WDR49: variants seen among roughly 807,000 people sequenced by gnomAD.
WDR49 encodes cilia- and flagella-associated protein 337.
A neutral mutation model predicts 119.5 loss-of-function variants in WDR49; 107 were observed. The ratio of observed to expected loss-of-function variants is 0.90; its 90% CI spans 0.77 to 1.05. The LOEUF (loss-of-function observed/expected upper bound fraction) is 1.05. WDR49 is among the 50% of genes least tolerant of loss of function. WDR49 has a pLI of 0.00. For missense variants in WDR49, 1,240 were observed against 1,220.5 expected, an observed-to-expected ratio of 1.02 and a Z score of -0.24; for synonymous variants, 425 against 418.8, an observed-to-expected ratio of 1.01 and a Z score of -0.18.
chr3:167,556,184 T>A (rs969496864), intron 9 of WDR49, among the ~76,000 whole-genome samples: 2 of 152,190 alleles, frequency 1.3e-5, no homozygotes, highest in African/African-American at 4.8e-5. Context: ...ATATGTATAC[T>A]AAATGGAGAG....
chr3:167,541,615 G>A (rs1345242549), intron 10 of WDR49, among the ~76,000 whole-genome samples: 2 of 152,030 alleles, frequency 1.3e-5, no homozygotes, highest in Admixed American at 6.6e-5. Flanking sequence ...CAGAGCCTAT[G>A]AAACAATAAC....
chr3:167,603,047 A>G (rs1715859841), intron 6 of WDR49, among the ~76,000 whole-genome samples: 1 of 152,152 alleles, frequency 6.6e-6, no homozygotes, highest in Non-Finnish European at 1.5e-5. Flanking sequence ...TATCCCCATC[A>G]TTAAGCAATG....
At position 167,563,960 on chromosome 3, in the gene WDR49, G is replaced by A. The variant is rs548996131; in HGVS notation, c.1510-3732C>T. Among the ~76,000 whole-genome samples, 3 of 152,338 alleles carry A rather than the reference G, an allele frequency of 2.0e-5. No homozygotes were observed. In the East Asian group the frequency reaches 5.8e-4, roughly 29 times the overall value. ...TCCCTAACAGAAATAAAAGAGCCAT[G>A]TTCAAAGAAAAGACTTGATTACCTG... On this transcript the variant is annotated intron_variant, in intron 8 of 18. Transcript: ENST00000682715.
At chr3:167,593,882 G>A (rs961717167) in intron 7 of WDR49, among the ~76,000 whole-genome samples, 1 of 152,074 alleles carries the variant, frequency 6.6e-6, no homozygotes, top group African/African-American at 2.4e-5. Flanking sequence ...TGAGGGAATT[G>A]TCACAAGATC....
intron 15 of WDR49, among the ~76,000 whole-genome samples, chr3:167,523,138 T>C (rs770727182): frequency 1.4e-4 from 22 of 152,136 alleles, no homozygotes; most frequent in Non-Finnish European, 3.2e-4. Flanking sequence ...CCTGCAGATA[T>C]TTGGCTGGTG....
chr3:167,518,791 A>G (rs1203023043), intron 16 of WDR49, among the ~76,000 whole-genome samples: 1 of 151,460 alleles, frequency 6.6e-6, no homozygotes, highest in Non-Finnish European at 1.5e-5. Flanking sequence ...ATATTAAACT[A>G]AAAAGCTTCT....
At chr3:167,548,973 C>T (rs780090888) in intron 10 of WDR49, among the ~76,000 whole-genome samples, 14 of 151,996 alleles carry the variant, frequency 9.2e-5, no homozygotes, top group Admixed American at 9.2e-4. Flanking sequence ...ATAGTTTGCT[C>T]AGAATGATGG....
chr3:167,596,870 T>TAATAAATAAATAAATAAATA, intron 7 of WDR49, among the ~76,000 whole-genome samples: 2 of 141,348 alleles, frequency 1.4e-5, no homozygotes, highest in East Asian at 4.2e-4. Context: ...TAAAGTATAA[T>TAATAAATAAATAAATAAATA]AATAAATAAA....
At chr3:167,634,656 A>G (rs1481309679) in intron 2 of WDR49, among the ~76,000 whole-genome samples, 1 of 151,812 alleles carries the variant, frequency 6.6e-6, no homozygotes, top group Non-Finnish European at 1.5e-5. Context: ...ATGAAAACTG[A>G]GCTCTAACCC....
Position 167,537,017 on chromosome 3 carries a change from A to G in WDR49, c.1824-17T>C. 1.9e-6 allele frequency: 3 copies of G among 1,561,776 alleles called. No individual in the cohort carries two copies. Among genetic ancestry groups the G allele is most frequent in the Non-Finnish European group, 2.6e-6 (3 of 1,155,758 alleles). On this transcript the variant is annotated splice_polypyrimidine_tract_variant and intron_variant, in intron 10 of 18. Coordinates refer to ENST00000682715, the MANE Select transcript of WDR49 (RefSeq NM_001366157.1). The stretch of plus-strand genomic sequence containing the variant: ...GTAATAGCCCTAGCAAAAAGGATAT[A>G]GAATTTAGCTGTGGATCTAAAATTG...
intron 16 of WDR49, among the ~76,000 whole-genome samples, chr3:167,507,607 T>C (rs1751822896): frequency 1.3e-5 from 2 of 152,166 alleles, no homozygotes; most frequent in Non-Finnish European, 2.9e-5. Context: ...TAACAATATA[T>C]CTTGATTTTT....
At chr3:167,607,921 G>C (rs1402422356) in intron 5 of WDR49, among the ~76,000 whole-genome samples, 1 of 151,994 alleles carries the variant, frequency 6.6e-6, no homozygotes, top group Non-Finnish European at 1.5e-5. Context: ...AAAAGGGAGG[G>C]AGGGAGGAAA....
intron 5 of WDR49, among the ~76,000 whole-genome samples, chr3:167,609,188 T>G (rs1192998775): frequency 1.3e-5 from 2 of 150,550 alleles, no homozygotes; most frequent in African/African-American, 4.9e-5. Flanking sequence ...GGACACCAAG[T>G]TAACAATCTA....
intron 7 of WDR49, among the ~76,000 whole-genome samples, chr3:167,592,970 A>T (rs2108297505): frequency 6.6e-6 from 1 of 152,296 alleles, no homozygotes; most frequent in East Asian, 1.9e-4. Flanking sequence ...TTGCTGCCAG[A>T]CATATTGAAG....
At position 167,621,457 on chromosome 3, in the gene WDR49, C is replaced by G; in HGVS notation, c.783+10G>C. On this transcript the variant is annotated intron_variant, in intron 4 of 18. Coordinates refer to ENST00000682715, the MANE Select transcript of WDR49 (RefSeq NM_001366157.1). Reference sequence around the variant, plus strand: ...TCCATAGTATTCAATCTTAATCTACCCTCACTTACCTTTCCAGTTATATCC... The same window carrying G: ...TCCATAGTATTCAATCTTAATCTACGCTCACTTACCTTTCCAGTTATATCC... The G allele has an allele frequency of 6.6e-7, 1 of 1,511,002 alleles. No homozygotes were observed. Among genetic ancestry groups the G allele is most frequent in the Non-Finnish European group, 8.8e-7 (1 of 1,133,492 alleles). The allele number at this position is 1,511,002 out of a possible 1,614,324, so 93.6% of individuals were successfully genotyped here.
At chr3:167,585,482 A>G (rs1233969986) in intron 7 of WDR49, among the ~76,000 whole-genome samples, 2 of 151,764 alleles carry the variant, frequency 1.3e-5, no homozygotes, top group Admixed American at 6.6e-5. Context: ...CCTTTAATCA[A>G]CAGGTGATTA....
At chr3:167,626,042 A>G (rs1717116323) in intron 3 of WDR49, among the ~76,000 whole-genome samples, 1 of 152,076 alleles carries the variant, frequency 6.6e-6, no homozygotes, top group Non-Finnish European at 1.5e-5. Flanking sequence ...TAATAAGACA[A>G]TCAGGAAAAT....
Position 167,536,888 on chromosome 3 carries a change from G to C in WDR49, c.1936C>G (p.Pro646Ala), listed in dbSNP as rs1404595047. ...AATTTACCCGTAACAAGAGTTTGTG[G>C]AGGTAAAAACGCAGCACACAAGATG... ...DDILCAAFLP[P>A]QTLVTGSYDG... is the part of the protein sequence containing the mutation. Residue 646 changes from proline to alanine, a missense_variant, in exon 11 of 19, where the codon CCA (proline) becomes GCA (alanine). Pro to Ala is a conservative substitution (Grantham distance 27, BLOSUM62 -1). Coordinates refer to ENST00000682715, the MANE Select transcript of WDR49 (RefSeq NM_001366157.1). The C allele has an allele frequency of 1.3e-6, 2 of 1,512,650 alleles. No homozygotes were observed. The highest frequency in any genetic ancestry group is 2.8e-5 in the African/African-American group (2 of 70,760). 93.7% of individuals were successfully genotyped at this position (1,512,650 alleles called of 1,614,324 possible). A position where few individuals can be genotyped will look rare whatever the true frequency, so the allele number is the denominator to read the frequency against.
chr3:167,489,189 C>G (rs1162133988), intron 18 of WDR49, among the ~76,000 whole-genome samples: 1 of 151,892 alleles, frequency 6.6e-6, no homozygotes, highest in Admixed American at 6.6e-5. Context: ...ACCATATATC[C>G]CTAGCACCCA....
Sources: allele counts gnomAD v4.1 joint callset (sites outside exome capture counted in the v4.1 genomes callset), GRCh38; gene constraint gnomAD v4.1.1; transcripts MANE v1.5; gene names NCBI Gene and HGNC (gene_info 2026-07-23, HGNC 2026-07-21).